Variants in ABCD3 observed in about 807,000 individuals in gnomAD.
The protein encoded by ABCD3 is ATP binding cassette subfamily D member 3.
In ABCD3, 41 loss-of-function variants were observed where a neutral mutation model predicts 105.5. The observed-to-expected ratio is 0.39, with a 90% CI of 0.30 to 0.50. ABCD3 has a LOEUF of 0.50. Among genes scored for constraint, ABCD3 ranks in the 20% least tolerant of loss-of-function variants. The pLI, the probability that ABCD3 is intolerant of heterozygous loss-of-function variation, is 0.84. For synonymous variants in ABCD3, 258 were observed against 269.0 expected, an observed-to-expected ratio of 0.96 and a Z score of 0.40; for missense variants, 622 against 806.3, an observed-to-expected ratio of 0.77 and a Z score of 2.77.
the ABCD3 span, among the ~76,000 whole-genome samples, chr1:94,400,566 A>G: frequency 1.3e-5 from 2 of 152,136 alleles, no homozygotes; most frequent in East Asian, 3.9e-4. Flanking sequence ...CTCTGAGGCA[A>G]AAGAGAGCAG....
intron 20 of ABCD3, among the ~76,000 whole-genome samples, chr1:94,500,910 T>C (rs1650062264): frequency 6.6e-6 from 1 of 152,154 alleles, no homozygotes; most frequent in African/African-American, 2.4e-5. Context: ...TAGGCATTTC[T>C]AGAGTCAATT....
chr1:94,446,517 C>T (rs766601090), intron 1 of ABCD3, among the ~76,000 whole-genome samples: 8 of 152,092 alleles, frequency 5.3e-5, no homozygotes, highest in African/African-American at 7.2e-5. Context: ...GCCAGGAGAG[C>T]GCATAGCACA....
chr1:94,385,905 C>T, the ABCD3 span, among the ~76,000 whole-genome samples: 83 of 152,142 alleles, frequency 5.5e-4, no homozygotes, highest in African/African-American at 1.3e-3. Context: ...AAAAAAAATG[C>T]TCAAGAAAAA....
rs1322914346 is a variant in ABCD3 at position 94,507,916 on chromosome 1, G to A, written c.1845+1274G>A. Among the ~76,000 whole-genome samples, 11 of 147,236 alleles carry A rather than the reference G, an allele frequency of 7.5e-5. No homozygotes were observed. In the East Asian group the frequency reaches 1.2e-3, roughly 16 times the overall value. On this transcript the variant is annotated intron_variant, in intron 21 of 22. Coordinates refer to ENST00000370214, the MANE Select transcript of ABCD3 (RefSeq NM_002858.4). ...GCCCTTTGTCAGATGAGTAGGTTGC[G>A]AAAATTTTCTCCCATTTTGTAGGCT...
the ABCD3 span, among the ~76,000 whole-genome samples, chr1:94,396,564 C>T: frequency 6.6e-6 from 1 of 151,872 alleles, no homozygotes; most frequent in Admixed American, 6.6e-5. Flanking sequence ...CCTCTCATTC[C>T]ACAAACTGTT....
intron 10 of ABCD3, among the ~76,000 whole-genome samples, chr1:94,483,523 A>C (rs1649126051): frequency 6.6e-6 from 1 of 152,204 alleles, no homozygotes; most frequent in Non-Finnish European, 1.5e-5. Flanking sequence ...GACAAACCTG[A>C]CAAAAACAAG....
intron 1 of ABCD3, 135 bp downstream of exon 1, chr1:94,418,723 G>T (rs1659126165): frequency 2.3e-6 from 2 of 885,734 alleles, no homozygotes; most frequent in Admixed American, 4.5e-5. Context: ...CGACTGCCGT[G>T]GGACTTCAAT....
rs201915501 is a variant in ABCD3 at position 94,434,176 on chromosome 1, TA to T, written c.110+15596del. ...ACACTTAGGCTACATGAAATTTATT[TA>T]AAAAAAATTTTTTAGTTTAAAAAAA... On this transcript the variant is annotated intron_variant, in intron 1 of 22. Coordinates refer to ENST00000370214, the MANE Select transcript of ABCD3 (RefSeq NM_002858.4). 7.3e-3 allele frequency among the ~76,000 whole-genome samples: 1,105 copies of T among 152,204 alleles called. 17 individuals are homozygous for T. The highest frequency in any genetic ancestry group is 0.025 in the African/African-American group (1,038 of 41,512).
At chr1:94,458,930 T>C (rs1570771699) in intron 2 of ABCD3, among the ~76,000 whole-genome samples, 2 of 148,170 alleles carry the variant, frequency 1.3e-5, no homozygotes, top group East Asian at 4.2e-4. Context: ...TCGAGATATA[T>C]CTTGTCCCCC....
rs1430170791 is a variant in ABCD3, at chr1:94,423,982, AG to A, written c.110+5398del. 2.0e-5 allele frequency among the ~76,000 whole-genome samples: 3 copies of A among 152,262 alleles called. No individual in the cohort carries two copies. The East Asian group carries it at 5.8e-4, about 29-fold the overall frequency. ...GCAAAGTGCAAGCATGAATCATGTG[AG>A]GGGCTAGAGCGGCTTGAGACCCTTA... On this transcript the variant is annotated intron_variant, in intron 1 of 22. Coordinates refer to ENST00000370214, the MANE Select transcript of ABCD3 (RefSeq NM_002858.4).
At chr1:94,514,105 G>A (rs1376370214) in intron 21 of ABCD3, 7 of 152,076 alleles carry the variant, frequency 4.6e-5, no homozygotes, top group South Asian at 4.2e-4. Flanking sequence ...AGAAACCATG[G>A]TGGAAATTTC....
intron 1 of ABCD3, among the ~76,000 whole-genome samples, chr1:94,435,469 C>T (rs961743798): frequency 1.3e-5 from 2 of 152,100 alleles, no homozygotes; most frequent in Admixed American, 6.6e-5. Flanking sequence ...GAGATTGAGT[C>T]TGCAGTGAAC....
the ABCD3 span, among the ~76,000 whole-genome samples, chr1:94,401,745 A>G: frequency 1.3e-5 from 2 of 152,212 alleles, no homozygotes; most frequent in Non-Finnish European, 2.9e-5. Flanking sequence ...TTTATCTTTA[A>G]GATCTTTCTT....
chr1:94,464,616 T>G (rs1035233387), intron 2 of ABCD3, among the ~76,000 whole-genome samples, 159 bp from the exon 3 acceptor site: 1 of 152,122 alleles, frequency 6.6e-6, no homozygotes, highest in African/African-American at 2.4e-5. Context: ...CAAAAACATG[T>G]TTGAATATGA....
At chr1:94,436,351 T>C (rs530257417) in intron 1 of ABCD3, among the ~76,000 whole-genome samples, 32 of 152,346 alleles carry the variant, frequency 2.1e-4, no homozygotes, top group African/African-American at 7.5e-4. Flanking sequence ...CACGGAAATA[T>C]TCAGTTGCGT....
chr1:94,433,149 C>T (rs1659755909), intron 1 of ABCD3, among the ~76,000 whole-genome samples: 2 of 151,566 alleles, frequency 1.3e-5, no homozygotes, highest in South Asian at 2.1e-4. Flanking sequence ...AGCCACAACG[C>T]CCAGCCTTTT....
intron 2 of ABCD3, among the ~76,000 whole-genome samples, chr1:94,459,323 T>C (rs1647756142): frequency 6.6e-6 from 1 of 152,164 alleles, no homozygotes; most frequent in South Asian, 2.1e-4. Context: ...TGACATGGGT[T>C]CTGATCCTTT....
intron 1 of ABCD3, among the ~76,000 whole-genome samples, chr1:94,430,623 A>G (rs184597926): frequency 3.0e-4 from 45 of 152,274 alleles, no homozygotes; most frequent in African/African-American, 8.9e-4. Context: ...GCCTTGCACC[A>G]TGATTGTGAG....
chr1:94,473,271 G>A (rs1238463491), intron 4 of ABCD3, among the ~76,000 whole-genome samples: 3 of 152,064 alleles, frequency 2.0e-5, no homozygotes, highest in Admixed American at 6.6e-5. Flanking sequence ...TAGTTGCAGC[G>A]GAGCCCTTAG....
Sources: gnomAD v4.1 joint callset for allele counts (sites outside exome capture counted in the v4.1 genomes callset) on GRCh38, gnomAD v4.1.1 for gene constraint, MANE v1.5 for transcripts, NCBI Gene and HGNC (gene_info 2026-07-23, HGNC 2026-07-21) for gene names.